Variants in MED23 observed in about 807,000 individuals in gnomAD.
The protein encoded by MED23 is mediator complex subunit 23.
In MED23, 105 loss-of-function variants were observed where a neutral mutation model predicts 163.9. That is an observed-to-expected ratio of 0.64 (90% CI 0.55 to 0.75). The LOEUF (loss-of-function observed/expected upper bound fraction) is 0.75. Ranked by LOEUF, MED23 falls within the 30% of genes least tolerant of loss-of-function variation. The pLI, the probability that MED23 is intolerant of heterozygous loss-of-function variation, is 0.00. For missense variants in MED23, 1,054 were observed against 1,649.0 expected, an observed-to-expected ratio of 0.64 and a Z score of 6.25; for synonymous variants, 561 against 565.6, an observed-to-expected ratio of 0.99 and a Z score of 0.12.
chr6:131,595,760 TTTTG>T, intron 22 of MED23, among the ~76,000 whole-genome samples, 183 bp downstream of exon 22: 1 of 152,322 alleles, frequency 6.6e-6, no homozygotes, highest in East Asian at 1.9e-4. Flanking sequence ...GAACTCATAC[TTTTG>T]TTTATATTTT....
downstream of MED23, among the ~76,000 whole-genome samples, chr6:131,585,658 T>A (rs1222694145): frequency 6.6e-6 from 1 of 152,234 alleles, no homozygotes; most frequent in Non-Finnish European, 1.5e-5. Context: ...AACATTTCCA[T>A]CATTGCAGAA....
chr6:131,591,760 T>C (rs1243614189), intron 25 of MED23: 9 of 579,730 alleles, frequency 1.6e-5, no homozygotes, highest in African/African-American at 5.6e-5. Context: ...AGGTACCTGA[T>C]ATACACTATG....
intron 25 of MED23, 183 bp from the exon 26 acceptor site, chr6:131,591,710 G>A (rs924767067): frequency 1.6e-6 from 1 of 632,236 alleles, no homozygotes; most frequent in Non-Finnish European, 2.8e-6. Context: ...AAGTAACTGT[G>A]AGTTAAGGGG....
downstream of MED23, chr6:131,582,593 T>C (rs750758012): frequency 1.3e-6 from 2 of 1,568,660 alleles, no homozygotes. Flanking sequence ...GAATCATACA[T>C]AACCAAGTGA....
chr6:131,626,122 C>CAAAAAAAAA (rs138561737), intron 3 of MED23, among the ~76,000 whole-genome samples: 1 of 59,696 alleles, frequency 1.7e-5, no homozygotes, highest in African/African-American at 4.9e-5. Flanking sequence ...ACTCTGTCTC[C>CAAAAAAAAA]AAAAAAAAAA....
intron 11 of MED23, among the ~76,000 whole-genome samples, chr6:131,609,006 C>CAGTCACCT (rs1776066534): frequency 6.6e-6 from 1 of 152,166 alleles, no homozygotes. Context: ...TATTCGCTGT[C>CAGTCACCT]AGTCACCTAG....
chr6:131,626,078 C>T (rs528158765), intron 3 of MED23, among the ~76,000 whole-genome samples: 6 of 144,932 alleles, frequency 4.1e-5, no homozygotes, highest in Middle Eastern at 3.5e-3. Context: ...GCCAAGATCA[C>T]GCCACTGCAC....
intron 30 of MED23, chr6:131,578,991 A>G: frequency 1.7e-6 from 2 of 1,161,390 alleles, no homozygotes; most frequent in Non-Finnish European, 2.4e-6. Flanking sequence ...CAGACCTTTC[A>G]GGTTTTTCCT....
At chr6:131,589,635 G>A (rs972992213) in intron 27 of MED23, 39 bp from the exon 28 acceptor site, 12 of 1,597,802 alleles carry the variant, frequency 7.5e-6, no homozygotes, top group Non-Finnish European at 1.0e-5. Context: ...AAGTGATCAA[G>A]TGATTCAGTA....
In MED23 at chr6:131,586,766, G is replaced by T. The variant is rs1169155340; in HGVS notation, c.*913C>A. Reference sequence around the variant, plus strand: ...AATCACACGGTTTATTCATTCAGCAGACTTTACTCATTAGTTTTCAAGTCT... The same window carrying T: ...AATCACACGGTTTATTCATTCAGCATACTTTACTCATTAGTTTTCAAGTCT... On this transcript the variant is annotated 3_prime_UTR_variant, in exon 29 of 29. Coordinates refer to ENST00000368068, the MANE Select transcript of MED23 (RefSeq NM_004830.4). 1.4e-6 allele frequency: 2 copies of T among 1,474,486 alleles called. No homozygotes were observed. The highest frequency in any genetic ancestry group is 1.8e-6 in the Non-Finnish European group (2 of 1,101,080). The allele number at this position is 1,474,486 out of a possible 1,614,324, so 91.3% of individuals were successfully genotyped here. A position where few individuals can be genotyped will look rare whatever the true frequency, so the allele number is the denominator to read the frequency against.
rs138217434 is a variant in MED23 at position 131,598,230 on chromosome 6, A to T, written c.2607+57T>A. On this transcript the variant is annotated intron_variant, in intron 20 of 28. Transcript: ENST00000368068. This position sits in a 1 kb window ranked among gnomAD's most constrained non-coding sequence, Gnocchi z 4.7. ...AATATAGAGCAGATTGGCATAACATATATTAGTCATACATCTTGATCTAAG... is the reference window on the plus strand; with the variant it reads ...AATATAGAGCAGATTGGCATAACATTTATTAGTCATACATCTTGATCTAAG... 6.7e-7 allele frequency: 1 copy of T among 1,489,500 alleles called. No homozygotes were observed. The highest frequency in any genetic ancestry group is 1.7e-5 in the Admixed American group (1 of 59,592). 92.3% of individuals were successfully genotyped at this position (1,489,500 alleles called of 1,614,324 possible). A position where few individuals can be genotyped will look rare whatever the true frequency, so the allele number is the denominator to read the frequency against.
chr6:131,591,173 T>C (rs1414710226), intron 26 of MED23, 140 bp downstream of exon 26: 2 of 683,564 alleles, frequency 2.9e-6, no homozygotes, highest in African/African-American at 3.6e-5. Flanking sequence ...AGAGATGGGG[T>C]TTCACAATGT....
chr6:131,620,179 T>C (rs923477725), intron 7 of MED23, among the ~76,000 whole-genome samples: 58 of 152,016 alleles, frequency 3.8e-4, no homozygotes, highest in Admixed American at 3.9e-4. Context: ...GAAATGGAAA[T>C]GAAAGAAATA....
At chr6:131,576,664 C>G (rs766662245) in intron 30 of MED23, 1 of 1,613,648 alleles carries the variant, frequency 6.2e-7, no homozygotes, top group Non-Finnish European at 8.5e-7. Context: ...ATTGTTCAGC[C>G]ACGAGGAGGG....
chr6:131,606,532 AT>A lies in MED23; in HGVS notation c.1313del (p.Asn438MetfsTer14). Reference protein sequence around the residue: ...IWIHLNRKAQNDNSKLQIPIP... With the variant: ...IWIHLNRKAQXDNSKLQIPIP... ...TTGGAATCTGTAGCTTGGAGTTGTCATTTTGAGCTTTTCTATTGAGATGAAT... is the reference window on the plus strand; with the variant it reads ...TTGGAATCTGTAGCTTGGAGTTGTCATTTGAGCTTTTCTATTGAGATGAAT... On this transcript the variant is annotated frameshift_variant, in exon 13 of 29. Coordinates refer to ENST00000368068, the MANE Select transcript of MED23 (RefSeq NM_004830.4). LOFTEE classifies it high-confidence loss of function. The A allele has an allele frequency of 4.3e-6, 7 of 1,613,664 alleles. No homozygotes were observed. The highest frequency in any genetic ancestry group is 5.9e-6 in the Non-Finnish European group (7 of 1,179,708).
At chr6:131,615,587 C>T (rs960381625) in intron 10 of MED23, 1 of 478,604 alleles carries the variant, frequency 2.1e-6, no homozygotes. Context: ...AAATAGACAC[C>T]CAAACAACAA....
chr6:131,615,671 GA>G (rs1321728599), intron 10 of MED23: 20 of 606,590 alleles, frequency 3.3e-5, no homozygotes, highest in South Asian at 8.9e-5. Flanking sequence ...TGGCCTTATA[GA>G]AAAAAAAGCA....
chr6:131,621,110 C>T (rs1444887215), intron 6 of MED23, among the ~76,000 whole-genome samples: 1 of 151,974 alleles, frequency 6.6e-6, no homozygotes, highest in Non-Finnish European at 1.5e-5. Context: ...CCCATGTGAG[C>T]GTTTTAAACA....
intron 30 of MED23, chr6:131,579,364 A>G (rs1046920470): frequency 1.3e-6 from 2 of 1,514,152 alleles, no homozygotes; most frequent in Non-Finnish European, 1.8e-6. Flanking sequence ...AAAATTTAGA[A>G]ATATAGACAG....
Sources: allele counts gnomAD v4.1 joint callset (sites outside exome capture counted in the v4.1 genomes callset), GRCh38; gene constraint gnomAD v4.1.1; non-coding constraint Gnocchi (gnomAD v3.1); transcripts MANE v1.5; gene names NCBI Gene and HGNC (gene_info 2026-07-23, HGNC 2026-07-21).